The following DDX43 variants were observed in gnomAD, a reference collection of about 807,000 sequenced individuals.
The protein encoded by DDX43 is probable ATP-dependent RNA helicase DDX43.
DDX43 carries 50 observed loss-of-function variants against 84.9 expected under a neutral mutation model. The ratio of observed to expected loss-of-function variants is 0.59; its 90% CI spans 0.47 to 0.75. The LOEUF is 0.75. Ranked by LOEUF, DDX43 falls within the 30% of genes least tolerant of loss-of-function variation. The pLI, the probability that DDX43 is intolerant of heterozygous loss-of-function variation, is 0.00. For missense variants in DDX43, 689 were observed against 798.6 expected (o/e 0.86, Z 1.65); for synonymous variants, 291 against 266.3 (o/e 1.09, Z -0.90).
Position 73,409,944 on chromosome 6 carries a change from C to T in DDX43, c.1280+596C>T, listed in dbSNP as rs372740129. 3.9e-4 allele frequency among the ~76,000 whole-genome samples: 59 copies of T among 150,272 alleles called. 1 individual carries two copies. Among genetic ancestry groups the T allele is most frequent in the Admixed American group, 2.2e-3 (33 of 14,964 alleles). ...ACTAGGAAGACTGAGGCAGGAGGAT[C>T]GTTTGAACCTGGGAGGTAGAGGTTG... On this transcript the variant is annotated intron_variant, in intron 10 of 16. Transcript: ENST00000370336.
intron 2 of DDX43, 24 bp from the exon 3 acceptor site, chr6:73,400,210 A>G: frequency 6.4e-7 from 1 of 1,554,338 alleles, no homozygotes; most frequent in Non-Finnish European, 8.7e-7. Context: ...TTTAAGTCTC[A>G]CCTCTTTTTC....
At position 73,400,272 on chromosome 6, in the gene DDX43, T is replaced by C. The variant is rs763133859; in HGVS notation, c.345T>C (p.Phe115=). 1.9e-6 allele frequency: 3 copies of C among 1,605,714 alleles called. No individual in the cohort carries two copies. The highest frequency in any genetic ancestry group is 2.5e-6 in the Non-Finnish European group (3 of 1,177,044). Residue 115 remains phenylalanine, a synonymous_variant, in exon 3 of 17, where the codon TTT becomes TTC. Coordinates refer to ENST00000370336, the MANE Select transcript of DDX43 (RefSeq NM_018665.3). ...QEQPESLVKI[F]GSKAMQTKAK... ...AACCAGAATCATTAGTCAAAATTTT[T>C]GGCAGCAAGGCAATGCAAACGAAAG...
intron 10 of DDX43, among the ~76,000 whole-genome samples, chr6:73,410,105 T>A (rs566874329): frequency 1.6e-4 from 25 of 152,226 alleles, no homozygotes; most frequent in South Asian, 8.3e-4. Context: ...ATATAAAATT[T>A]AAAAAATACA....
intron 7 of DDX43, among the ~76,000 whole-genome samples, chr6:73,406,750 A>G (rs1769692607): frequency 6.6e-6 from 1 of 152,232 alleles, no homozygotes; most frequent in Non-Finnish European, 1.5e-5. Context: ...TATCTATTCC[A>G]TGATAAAATA....
intron 9 of DDX43, among the ~76,000 whole-genome samples, chr6:73,408,347 A>T (rs974020029): frequency 6.6e-6 from 1 of 151,952 alleles, no homozygotes; most frequent in African/African-American, 2.4e-5. Context: ...AGACAGAATC[A>T]CTTGAACCTG....
intron 10 of DDX43, among the ~76,000 whole-genome samples, chr6:73,411,514 GCA>G (rs1769784477): frequency 6.6e-6 from 1 of 151,140 alleles, no homozygotes; most frequent in African/African-American, 2.4e-5. Context: ...TTTTTAGTAG[GCA>G]CAGACTTTCC....
At chr6:73,413,864 TG>T in intron 12 of DDX43, 79 bp downstream of exon 12, 2 of 1,541,924 alleles carry the variant, frequency 1.3e-6, no homozygotes, top group South Asian at 1.2e-5. Flanking sequence ...TAATTCCAAA[TG>T]GGGGTGATAA....
At chr6:73,406,233 G>T (rs1769680535) in intron 6 of DDX43, 131 bp from the exon 7 acceptor site, 2 of 567,764 alleles carry the variant, frequency 3.5e-6, no homozygotes, top group Non-Finnish European at 6.3e-6. Context: ...TGTTGGTCAG[G>T]CTAGTCTCGA....
chr6:73,414,430 T>C, intron 13 of DDX43, 118 bp from the exon 14 acceptor site: 1 of 950,902 alleles, frequency 1.1e-6, no homozygotes. Context: ...AAAGTAAGCA[T>C]TTTAATGTAA....
At chr6:73,405,237 C>T (rs1160414740) in intron 5 of DDX43, among the ~76,000 whole-genome samples, 1 of 152,078 alleles carries the variant, frequency 6.6e-6, no homozygotes, top group Non-Finnish European at 1.5e-5. Flanking sequence ...CTAAGAGATG[C>T]ATGGAATAGC....
intron 13 of DDX43, 40 bp from the exon 14 acceptor site, chr6:73,414,508 T>C: frequency 6.4e-7 from 1 of 1,563,778 alleles, no homozygotes; most frequent in African/African-American, 1.4e-5. Flanking sequence ...GGTTGGTTTA[T>C]ACCAGAATGG....
intron 5 of DDX43, 120 bp from the exon 6 acceptor site, chr6:73,405,559 G>A (rs1769660506): frequency 1.1e-6 from 1 of 919,160 alleles, no homozygotes; most frequent in South Asian, 1.9e-5. Context: ...TAACTTCCCT[G>A]ACAGTCTCAT....
chr6:73,401,813 A>C, intron 3 of DDX43, 46 bp from the exon 4 acceptor site: 1 of 1,536,402 alleles, frequency 6.5e-7, no homozygotes, highest in East Asian at 2.4e-5. Flanking sequence ...AAAAAAAAAA[A>C]AAAAAAAAAT....
In DDX43 at chr6:73,414,436, T is replaced by A. The variant is rs575634923; in HGVS notation, c.1607-112T>A. On this transcript the variant is annotated intron_variant, in intron 13 of 16. Transcript: ENST00000370336. ...CATTTTCACAAAGTAAGCATTTTAA[T>A]GTAAACAGTAAGAAATAAAATTGAT... The A allele has an allele frequency of 4.7e-3, 4,541 of 966,238 alleles. 14 individuals carry two copies. The highest frequency in any genetic ancestry group is 6.1e-3 in the Non-Finnish European group (4,028 of 655,616). The allele number at this position is 966,238 out of a possible 1,614,324, so 59.9% of individuals were successfully genotyped here.
intron 12 of DDX43, 65 bp downstream of exon 12, chr6:73,413,850 A>G: frequency 6.4e-7 from 1 of 1,561,782 alleles, no homozygotes; most frequent in Non-Finnish European, 8.7e-7. Context: ...TTCTATTTGT[A>G]TACTAATTCC....
At chr6:73,409,414 G>T in intron 10 of DDX43, 66 bp downstream of exon 10, 1 of 1,287,102 alleles carries the variant, frequency 7.8e-7, no homozygotes, top group South Asian at 1.2e-5. Flanking sequence ...ATTCTGTTTG[G>T]ATTTTCCCAC....
intron 2 of DDX43, among the ~76,000 whole-genome samples, chr6:73,398,613 A>G (rs1769515500): frequency 6.6e-6 from 1 of 151,048 alleles, no homozygotes; most frequent in Non-Finnish European, 1.5e-5. Context: ...ATTCGGAGGT[A>G]AAAATCGTTA....
chr6:73,407,919 T>A (rs1463986954), intron 8 of DDX43, 41 bp from the exon 9 acceptor site: 1 of 1,577,722 alleles, frequency 6.3e-7, no homozygotes, highest in East Asian at 2.2e-5. Context: ...GATGAGATAT[T>A]CTGTGCCTAA....
intron 6 of DDX43, 41 bp from the exon 7 acceptor site, chr6:73,406,323 A>G: frequency 1.4e-6 from 2 of 1,476,700 alleles, no homozygotes; most frequent in Non-Finnish European, 1.9e-6. Context: ...CGCCCAGCAA[A>G]AGATGTACTT....
Sources: gnomAD v4.1 joint callset for allele counts (sites outside exome capture counted in the v4.1 genomes callset) on GRCh38, gnomAD v4.1.1 for gene constraint, MANE v1.5 for transcripts, NCBI Gene and HGNC (gene_info 2026-07-23, HGNC 2026-07-21) for gene names.